The following CSMD3 variants were observed in gnomAD, a reference collection of about 807,000 sequenced individuals.
The protein encoded by CSMD3 is CUB and Sushi multiple domains 3.
In CSMD3, 177 loss-of-function variants were observed where a neutral mutation model predicts 435.2. The ratio of observed to expected loss-of-function variants is 0.41; its 90% CI spans 0.36 to 0.46. The LOEUF is 0.46. CSMD3 is among the 20% of genes least tolerant of loss of function. The pLI, the probability that CSMD3 is intolerant of heterozygous loss-of-function variation, is 0.34. For missense variants in CSMD3, 4,265 were observed against 4,504.6 expected (o/e 0.95, Z 1.52); for synonymous variants, 1,656 against 1,520.5 (o/e 1.09, Z -2.07).
intron 9 of CSMD3, among the ~76,000 whole-genome samples, chr8:112,924,358 G>A (rs1450459896): frequency 6.6e-6 from 1 of 152,112 alleles, no homozygotes; most frequent in Admixed American, 6.6e-5. Context: ...TTTAGGGGAT[G>A]GAGAAAGAAG....
intron 22 of CSMD3, among the ~76,000 whole-genome samples, chr8:112,591,116 T>A (rs921137382): frequency 2.6e-5 from 4 of 152,132 alleles, no homozygotes; most frequent in Non-Finnish European, 5.9e-5. Context: ...ATATAAATAT[T>A]TTCTGTGCAA....
chr8:112,347,994 T>A (rs1375250390), intron 40 of CSMD3, among the ~76,000 whole-genome samples: 1 of 152,166 alleles, frequency 6.6e-6, no homozygotes, highest in African/African-American at 2.4e-5. Flanking sequence ...ATTCCTGTCC[T>A]CTGCATTGAT....
At chr8:112,693,565 C>T (rs1205029657) in intron 13 of CSMD3, among the ~76,000 whole-genome samples, 2 of 151,946 alleles carry the variant, frequency 1.3e-5, no homozygotes, top group Non-Finnish European at 2.9e-5. Context: ...TGCCCCTTCT[C>T]CTCCATTCTT....
intron 1 of CSMD3, among the ~76,000 whole-genome samples, chr8:113,399,078 C>CATATATATATATATATAT (rs764141337): frequency 3.3e-5 from 3 of 90,834 alleles, no homozygotes; most frequent in African/African-American, 1.5e-4. Context: ...AAGGATAGTT[C>CATATATATATATATATAT]ATATATATAT....
intron 4 of CSMD3, among the ~76,000 whole-genome samples, chr8:113,149,475 GA>G (rs1383198141): frequency 6.6e-6 from 1 of 151,722 alleles, no homozygotes; most frequent in African/African-American, 2.4e-5. Context: ...TCAAATTCAA[GA>G]CCTTCTTTTT....
intron 16 of CSMD3, among the ~76,000 whole-genome samples, chr8:112,676,186 T>C (rs942789918): frequency 6.6e-6 from 1 of 152,072 alleles, no homozygotes; most frequent in Non-Finnish European, 1.5e-5. Context: ...AAGTTGAACA[T>C]ATAAGTCTAC....
intron 1 of CSMD3, among the ~76,000 whole-genome samples, chr8:113,399,451 T>C (rs771346486): frequency 6.6e-6 from 1 of 151,718 alleles, no homozygotes; most frequent in Non-Finnish European, 1.5e-5. Context: ...TCTAAATAAA[T>C]GTTATTTGCC....
At chr8:112,515,798 A>G (rs1823611470) in intron 28 of CSMD3, among the ~76,000 whole-genome samples, 1 of 151,978 alleles carries the variant, frequency 6.6e-6, no homozygotes, top group Non-Finnish European at 1.5e-5. Context: ...TGTTTGGTGC[A>G]TTTAGTGTTT....
At chr8:112,906,096 T>A (rs1479134683) in intron 10 of CSMD3, among the ~76,000 whole-genome samples, 1 of 151,434 alleles carries the variant, frequency 6.6e-6, no homozygotes, top group African/African-American at 2.4e-5. Flanking sequence ...GCTGGCATTC[T>A]GATCTCAAAC....
chr8:113,180,279 A>T (rs1417043531), intron 3 of CSMD3, among the ~76,000 whole-genome samples: 1 of 152,014 alleles, frequency 6.6e-6, no homozygotes, highest in African/African-American at 2.4e-5. Context: ...TCCATTTTCC[A>T]AATTTTTTAG....
At chr8:112,991,236 A>G (rs1342639605) in intron 6 of CSMD3, among the ~76,000 whole-genome samples, 2 of 151,734 alleles carry the variant, frequency 1.3e-5, no homozygotes, top group East Asian at 3.9e-4. Flanking sequence ...ATATATATAT[A>G]TATTCCTGTA....
At chr8:113,208,134 T>A (rs1458607137) in intron 3 of CSMD3, among the ~76,000 whole-genome samples, 4 of 152,174 alleles carry the variant, frequency 2.6e-5, no homozygotes, top group Admixed American at 6.6e-5. Flanking sequence ...AATAATATAA[T>A]TGAATGAATG....
At chr8:112,359,116 G>T (rs1267602572) in intron 38 of CSMD3, among the ~76,000 whole-genome samples, 4 of 151,990 alleles carry the variant, frequency 2.6e-5, no homozygotes, top group Admixed American at 6.6e-5. Context: ...TATTCATTTT[G>T]TTGTAATTAC....
At chr8:112,737,100 G>A (rs184617433) in intron 13 of CSMD3, among the ~76,000 whole-genome samples, 1 of 151,992 alleles carries the variant, frequency 6.6e-6, no homozygotes, top group East Asian at 1.9e-4. Flanking sequence ...TTTGAGATAA[G>A]GTACAAATAA....
intron 22 of CSMD3, among the ~76,000 whole-genome samples, chr8:112,599,632 G>A (rs1832124928): frequency 1.3e-5 from 2 of 151,618 alleles, no homozygotes; most frequent in Non-Finnish European, 2.9e-5. Context: ...ATGTCCAACA[G>A]TGATAAACTG....
At chr8:113,173,614 G>A (rs1285762458) in intron 4 of CSMD3, 108 bp downstream of exon 4, 4 of 907,826 alleles carry the variant, frequency 4.4e-6, no homozygotes, top group Non-Finnish European at 7.2e-6. Flanking sequence ...GAGTCACCAT[G>A]CCTGGCCTCT....
chr8:112,912,071 G>A (rs1187408208), intron 10 of CSMD3, among the ~76,000 whole-genome samples: 2 of 147,542 alleles, frequency 1.4e-5, no homozygotes, highest in Admixed American at 1.4e-4. Context: ...ATTTTTTTAA[G>A]ATCAAGGAGT....
Position 112,351,194 on chromosome 8 carries a change from A to G in CSMD3, c.6306T>C (p.Tyr2102=), listed in dbSNP as rs1586848051. The G allele has an allele frequency of 3.1e-6, 5 of 1,605,506 alleles. No homozygotes were observed. The highest frequency in any genetic ancestry group is 4.3e-6 in the Non-Finnish European group (5 of 1,172,500). Residue 2102 remains tyrosine, a synonymous_variant, in exon 40 of 71, where the codon TAT becomes TAC. Transcript: ENST00000297405. Reference sequence around the variant, plus strand: ...ACTTACCTAAACAAATTGGGATTGGATAATTCCATCTTCTTACAGGTCCTG... The same window carrying G: ...ACTTACCTAAACAAATTGGGATTGGGTAATTCCATCTTCTTACAGGTCCTG... ...CMPGPVRRWN[Y]PIPICLAQCG...
chr8:112,488,311 A>G (rs1228756799), intron 31 of CSMD3, among the ~76,000 whole-genome samples: 1 of 152,198 alleles, frequency 6.6e-6, no homozygotes, highest in Non-Finnish European at 1.5e-5. Context: ...ATATAAATTA[A>G]GGTGTTACAC....
Sources: gnomAD v4.1 joint callset for allele counts (sites outside exome capture counted in the v4.1 genomes callset) on GRCh38, gnomAD v4.1.1 for gene constraint, MANE v1.5 for transcripts, NCBI Gene and HGNC (gene_info 2026-07-23, HGNC 2026-07-21) for gene names.